The following HUWE1 variants were observed in gnomAD, a reference collection of about 807,000 sequenced individuals.
HUWE1 encodes E3 ubiquitin-protein ligase HUWE1.
In HUWE1, 18 loss-of-function variants were observed where a neutral mutation model predicts 299.4. The observed-to-expected ratio is 0.06, with a 90% CI of 0.04 to 0.09. The LOEUF (loss-of-function observed/expected upper bound fraction) is 0.09, where lower values mean the gene tolerates loss of function less well. Ranked by LOEUF, HUWE1 falls within the 10% of genes least tolerant of loss-of-function variation. HUWE1 has a pLI of 1.00. For missense variants in HUWE1, 1,832 were observed against 3,462.3 expected (o/e 0.53, Z 11.82); for synonymous variants, 1,317 against 1,286.1 (o/e 1.02, Z -0.51).
At chrX:53,673,638 C>T (rs782407947) in intron 3 of HUWE1, among the ~76,000 whole-genome samples, 10 of 111,496 alleles carry the variant, frequency 9.0e-5, no homozygotes, top group South Asian at 3.7e-4. Flanking sequence ...AGTACTTAGG[C>T]GTAGAATTTT....
In HUWE1 at chrX:53,591,001, C is replaced by T. The variant is rs782315292; in HGVS notation, c.4094G>A (p.Arg1365Gln). The T allele has an allele frequency of 7.4e-6, 9 of 1,211,026 alleles. No homozygotes were observed. Among genetic ancestry groups the T allele is most frequent in the Admixed American group, 4.3e-5 (2 of 46,006 alleles). ...HPPPIMGGVV[R>Q]DLSMSEEDQM... Reference sequence around the variant, plus strand: ...ATCACTGCTTCTGAGCCAACTTACCCGAACAACTCCTCCCATGATTGGAGG... The same window carrying T: ...ATCACTGCTTCTGAGCCAACTTACCTGAACAACTCCTCCCATGATTGGAGG... Residue 1365 changes from arginine (R) to glutamine (Q), a missense_variant and splice_region_variant, in exon 34 of 84, where the codon CGG becomes CAG. Physicochemically the swap from Arg to Gln is conservative, Grantham distance 43. Coordinates refer to ENST00000262854, the MANE Select transcript of HUWE1 (RefSeq NM_031407.7).
intron 30 of HUWE1, 119 bp from the exon 31 acceptor site, chrX:53,594,740 C>T (rs1234939019): frequency 1.0e-5 from 7 of 684,226 alleles, no homozygotes; most frequent in African/African-American, 4.3e-5. Flanking sequence ...CTCCCACCTA[C>T]TAAAGAATAC....
rs148382270 is a variant in HUWE1, at chrX:53,632,432, A to C, written c.645+55T>G. On this transcript the variant is annotated intron_variant, in intron 9 of 83. Coordinates refer to ENST00000262854, the MANE Select transcript of HUWE1 (RefSeq NM_031407.7). ...TAACTGAGGAGTTCTAGAAGAGGCA[A>C]TCCCAGTTACAGTAAATTGTAGACT... 1.2e-3 allele frequency: 1,106 copies of C among 891,686 alleles called. 11 individuals carry two copies. The African/African-American group carries it at 0.019, about 15-fold the overall frequency. 73.5% of individuals were successfully genotyped at this position (891,686 alleles called of 1,213,427 possible).
chrX:53,554,891 T>C lies in HUWE1; in HGVS notation c.8236A>G (p.Thr2746Ala). 1.7e-6 allele frequency: 2 copies of C among 1,189,921 alleles called. No individual in the cohort carries two copies. Among genetic ancestry groups the C allele is most frequent in the Non-Finnish European group, 2.3e-6 (2 of 882,469 alleles). ...DGTPMPDSYP[T>A]TPSSTDAATS... is the part of the protein sequence containing the mutation. Reference sequence around the variant, plus strand: ...GCTGCATCAGTTGAAGATGGGGTTGTTGGGTAGCTGTCAGGCATAGGCGTC... The same window carrying C: ...GCTGCATCAGTTGAAGATGGGGTTGCTGGGTAGCTGTCAGGCATAGGCGTC... The change falls in exon 61 of 84, where the codon ACA becomes GCA. Residue 2746 changes from threonine (T) to alanine (A), a missense_variant. By Grantham distance (58) the Thr-to-Ala change is moderately conservative. Coordinates refer to ENST00000262854, the MANE Select transcript of HUWE1 (RefSeq NM_031407.7).
rs377740266 is a variant in HUWE1, at chrX:53,609,170, T to C, written c.2262-261A>G. Among the ~76,000 whole-genome samples the C allele has an allele frequency of 5.4e-5, 6 of 111,090 alleles. No individual in the cohort carries two copies. In the South Asian group the frequency reaches 2.3e-3, roughly 42 times the overall value. On this transcript the variant is annotated intron_variant, in intron 23 of 83. Transcript: ENST00000262854. ...TACCGCAGGAAAAAAACAGCTGAAATCAATCCTGAATCTACCTTTCCAAGC... is the reference window on the plus strand; with the variant it reads ...TACCGCAGGAAAAAAACAGCTGAAACCAATCCTGAATCTACCTTTCCAAGC...
At chrX:53,628,005 G>T in intron 15 of HUWE1, 126 bp from the exon 16 acceptor site, 1 of 606,148 alleles carries the variant, frequency 1.6e-6, no homozygotes, top group Non-Finnish European at 2.6e-6. Flanking sequence ...GAAAACATGT[G>T]TTTTATTTTT....
chrX:53,623,651 A>T (rs908844167), intron 19 of HUWE1, among the ~76,000 whole-genome samples: 1 of 112,741 alleles, frequency 8.9e-6, no homozygotes, highest in Non-Finnish European at 1.9e-5. Flanking sequence ...TAAGACAAAA[A>T]AAAAGGCACA....
intron 7 of HUWE1, among the ~76,000 whole-genome samples, chrX:53,641,983 A>T (rs2067621702): frequency 9.0e-6 from 1 of 111,582 alleles, no homozygotes; most frequent in Non-Finnish European, 1.9e-5. Context: ...CCGAAAATAC[A>T]GGTAGTGGCA....
At chrX:53,663,330 T>C (rs782333460) in intron 3 of HUWE1, among the ~76,000 whole-genome samples, 2 of 112,127 alleles carry the variant, frequency 1.8e-5, no homozygotes, top group East Asian at 5.6e-4. Flanking sequence ...CTGACCAACA[T>C]GGTGAAACCC....
At chrX:53,638,319 G>T (rs892206125) in intron 7 of HUWE1, among the ~76,000 whole-genome samples, 2 of 110,864 alleles carry the variant, frequency 1.8e-5, no homozygotes, top group Non-Finnish European at 3.8e-5. Context: ...CAGCCTGGGG[G>T]ACAGAGCGAG....
At chrX:53,612,324 T>C (rs1452958772) in intron 23 of HUWE1, among the ~76,000 whole-genome samples, 1 of 112,126 alleles carries the variant, frequency 8.9e-6, no homozygotes, top group Admixed American at 9.4e-5. Context: ...AAACTACTGA[T>C]ACTGGGGTAC....
intron 60 of HUWE1, among the ~76,000 whole-genome samples, chrX:53,556,883 A>T (rs949317779): frequency 2.7e-5 from 3 of 112,563 alleles, no homozygotes; most frequent in Non-Finnish European, 3.8e-5. Flanking sequence ...CTAAATACAA[A>T]AACAGCCTTT....
At chrX:53,597,167 T>C (rs2064529809) in intron 29 of HUWE1, among the ~76,000 whole-genome samples, 1 of 111,322 alleles carries the variant, frequency 9.0e-6, no homozygotes, top group Non-Finnish European at 1.9e-5. Context: ...TTGATAATTT[T>C]AGAAAGAGAT....
chrX:53,547,732 A>G lies in HUWE1; in HGVS notation c.10577T>C (p.Ile3526Thr), dbSNP rs782721066. Reference sequence around the variant, plus strand: ...CACTGTGGTCGAAGCAGCTACGACAATGGTGGAAATAGCCGTGGCAGCAAC... The same window carrying G: ...CACTGTGGTCGAAGCAGCTACGACAGTGGTGGAAATAGCCGTGGCAGCAAC... ...ALVAATAISTIVVAASTTVTT... is the reference protein window; with the variant it reads ...ALVAATAISTTVVAASTTVTT... The change falls in exon 68 of 84, where the codon ATT (isoleucine) becomes ACT (threonine). Residue 3526 changes from isoleucine to threonine, a missense_variant. Ile to Thr is a moderately conservative substitution (Grantham distance 89). Transcript: ENST00000262854. 8.3e-7 allele frequency: 1 copy of G among 1,206,810 alleles called. No homozygotes were observed. The highest frequency in any genetic ancestry group is 1.1e-6 in the Non-Finnish European group (1 of 892,446).
chrX:53,569,022 C>G, intron 48 of HUWE1, 148 bp from the exon 49 acceptor site: 1 of 490,843 alleles, frequency 2.0e-6, no homozygotes, highest in Non-Finnish European at 3.5e-6. Context: ...AACACACTCC[C>G]TAAGGTGATA....
At chrX:53,644,382 C>T (rs1233388386) in intron 7 of HUWE1, among the ~76,000 whole-genome samples, 1 of 111,631 alleles carries the variant, frequency 9.0e-6, no homozygotes, top group East Asian at 2.8e-4. Context: ...TTCCTTTTTC[C>T]TTTTAACTGT....
intron 7 of HUWE1, among the ~76,000 whole-genome samples, chrX:53,643,689 G>A (rs1165773367): frequency 8.9e-6 from 1 of 111,892 alleles, no homozygotes; most frequent in African/African-American, 3.3e-5. Flanking sequence ...ATTAATACAT[G>A]GAAGAGCTAT....
chrX:53,538,800 C>A, intron 76 of HUWE1, 35 bp downstream of exon 76: 1 of 1,174,344 alleles, frequency 8.5e-7, no homozygotes, highest in Non-Finnish European at 1.2e-6. Context: ...TAAAATGAAG[C>A]CTTCTACACC....
At chrX:53,550,597 A>G (rs2061728755) in intron 66 of HUWE1, 69 bp downstream of exon 66, 1 of 998,378 alleles carries the variant, frequency 1.0e-6, no homozygotes, top group South Asian at 1.9e-5. Context: ...TTCTCCACCT[A>G]TAAAACTAAG....
Sources: gnomAD v4.1 joint callset for allele counts (sites outside exome capture counted in the v4.1 genomes callset) on GRCh38, gnomAD v4.1.1 for gene constraint, MANE v1.5 for transcripts, NCBI Gene and HGNC (gene_info 2026-07-23, HGNC 2026-07-21) for gene names.